The following ORC3 variants were observed in gnomAD, a reference collection of about 807,000 sequenced individuals.
ORC3 encodes the protein origin recognition complex subunit 3, also known as homolog of latheo, Drosophila.
ORC3 carries 78 observed loss-of-function variants against 100.7 expected under a neutral mutation model. That is an observed-to-expected ratio of 0.77 (90% CI 0.65 to 0.94). The LOEUF (loss-of-function observed/expected upper bound fraction) is 0.94, where lower values mean the gene tolerates loss of function less well. ORC3 is among the 40% of genes least tolerant of loss of function. The pLI, the probability that ORC3 is intolerant of heterozygous loss-of-function variation, is 0.00. For synonymous variants in ORC3, 295 were observed against 289.3 expected (o/e 1.02, Z -0.20); for missense variants, 789 against 823.9 (o/e 0.96, Z 0.52).
chr6:87,667,322 AAAT>A lies in ORC3; in HGVS notation c.*206_*208del, dbSNP rs1770717091. On this transcript the variant is annotated 3_prime_UTR_variant, in exon 20 of 20. Coordinates refer to ENST00000392844, the MANE Select transcript of ORC3 (RefSeq NM_012381.4). ...CCTGTGGAGTACTTTAGACTCCAAC[AAAT>A]AATAATGTAACTAAAACTGCTCACA... The A allele has an allele frequency of 6.8e-6, 3 of 440,760 alleles. No individual in the cohort carries two copies. The highest frequency in any genetic ancestry group is 5.8e-5 in the South Asian group (1 of 17,166). The allele number at this position is 440,760 out of a possible 1,614,324, so 27.3% of individuals were successfully genotyped here.
At position 87,621,408 on chromosome 6, in the gene ORC3, C is replaced by G. The variant is rs866479145; in HGVS notation, c.1042C>G (p.Leu348Val). The G allele has an allele frequency of 6.2e-7, 1 of 1,601,890 alleles. No homozygotes were observed. The highest frequency in any genetic ancestry group is 1.7e-5 in the Admixed American group (1 of 57,710). ...GCCCTTAAGTGTCCTGTGCTGTAATCTTCCAGAAGCCAAAAGAAGAATAAA... is the reference window on the plus strand; with the variant it reads ...GCCCTTAAGTGTCCTGTGCTGTAATGTTCCAGAAGCCAAAAGAAGAATAAA... ...SQPLSVLCCNLPEAKRRINFL... is the reference protein window; with the variant it reads ...SQPLSVLCCNVPEAKRRINFL... The change falls in exon 10 of 20, where the codon CTT becomes GTT. Residue 348 changes from leucine (L) to valine (V), a missense_variant. Leu to Val is a conservative substitution (Grantham distance 32). Coordinates refer to ENST00000392844, the MANE Select transcript of ORC3 (RefSeq NM_012381.4).
intron 11 of ORC3, among the ~76,000 whole-genome samples, chr6:87,625,126 T>C (rs1289654264): frequency 2.0e-5 from 3 of 152,244 alleles, no homozygotes; most frequent in African/African-American, 7.2e-5. Context: ...TCCAAGTCTT[T>C]GCTATTGTGA....
At chr6:87,651,095 T>G (rs886736007) in intron 13 of ORC3, 13 of 449,112 alleles carry the variant, frequency 2.9e-5, no homozygotes, top group African/African-American at 2.2e-4. Flanking sequence ...AAGTGACACA[T>G]TAAGAGTTAT....
chr6:87,675,947 C>T, the ORC3 span: 2 of 1,599,638 alleles, frequency 1.3e-6, no homozygotes, highest in African/African-American at 1.3e-5. Flanking sequence ...AATAAAGGTA[C>T]TTGTCAATTA....
chr6:87,640,582 A>G (rs1327923178), intron 13 of ORC3, among the ~76,000 whole-genome samples: 2 of 152,204 alleles, frequency 1.3e-5, no homozygotes, highest in African/African-American at 4.8e-5. Flanking sequence ...TTAAAAAGCC[A>G]TTTGGGAACA....
At chr6:87,636,521 C>G in intron 13 of ORC3, 35 bp downstream of exon 13, 1 of 1,392,890 alleles carries the variant, frequency 7.2e-7, no homozygotes, top group Non-Finnish European at 1.0e-6. Flanking sequence ...CTATTTTTGT[C>G]TGCTATAAGC....
downstream of ORC3, among the ~76,000 whole-genome samples, chr6:87,668,054 A>G (rs1770753706): frequency 6.6e-6 from 1 of 152,220 alleles, no homozygotes; most frequent in African/African-American, 2.4e-5. Context: ...CAGATGAGCA[A>G]AGTAAGGCCC....
At chr6:87,605,194 G>C (rs981509132) in intron 4 of ORC3, among the ~76,000 whole-genome samples, 2 of 152,262 alleles carry the variant, frequency 1.3e-5, no homozygotes, top group East Asian at 3.9e-4. Flanking sequence ...TATAGAGACA[G>C]GTTCTCACCA....
intron 2 of ORC3, among the ~76,000 whole-genome samples, chr6:87,596,103 G>A (rs1777415005): frequency 6.6e-6 from 1 of 151,786 alleles, no homozygotes; most frequent in Non-Finnish European, 1.5e-5. Context: ...AGACCTCAAA[G>A]TGCTGGGATT....
chr6:87,597,355 G>A (rs1582996095), intron 2 of ORC3, among the ~76,000 whole-genome samples: 1 of 152,216 alleles, frequency 6.6e-6, no homozygotes, highest in East Asian at 1.9e-4. Context: ...TTCAGATTCT[G>A]GAGGATTTCA....
chr6:87,627,539 G>T (rs895907714), intron 11 of ORC3, among the ~76,000 whole-genome samples: 1 of 148,330 alleles, frequency 6.7e-6, no homozygotes, highest in Non-Finnish European at 1.5e-5. Context: ...CAAGTGATCC[G>T]CCCGCCTAGG....
chr6:87,617,207 A>G (rs549733029), intron 9 of ORC3, among the ~76,000 whole-genome samples: 126 of 150,564 alleles, frequency 8.4e-4, no homozygotes, highest in African/African-American at 2.9e-3. Context: ...TGGACCATGC[A>G]TGTGTGTGTG....
intron 10 of ORC3, 90 bp downstream of exon 10, chr6:87,621,577 A>G: frequency 1.1e-6 from 1 of 895,154 alleles, no homozygotes. Flanking sequence ...TGAAGTAGGG[A>G]AAGAAATAGT....
At chr6:87,670,728 A>G (rs544728368), downstream of ORC3, among the ~76,000 whole-genome samples, 52 of 152,360 alleles carry the variant, frequency 3.4e-4, no homozygotes, top group African/African-American at 1.2e-3. Context: ...ACATTCAAAA[A>G]GTACCAAGCA....
At chr6:87,672,561 T>C in the ORC3 span, among the ~76,000 whole-genome samples, 4 of 152,200 alleles carry the variant, frequency 2.6e-5, no homozygotes, top group African/African-American at 9.7e-5. Context: ...TACCAATTAC[T>C]GTAAGAGTTT....
chr6:87,638,997 C>T (rs1054004831), intron 13 of ORC3, among the ~76,000 whole-genome samples: 4 of 151,648 alleles, frequency 2.6e-5, no homozygotes, highest in Admixed American at 2.6e-4. Context: ...TTCAGTGTAC[C>T]TTGTTTCATG....
At chr6:87,671,665 A>G (rs1770835750), downstream of ORC3, among the ~76,000 whole-genome samples, 1 of 152,186 alleles carries the variant, frequency 6.6e-6, no homozygotes, top group African/African-American at 2.4e-5. Context: ...CAGCCAGTAA[A>G]GGAGAAACGT....
intron 4 of ORC3, among the ~76,000 whole-genome samples, chr6:87,603,889 C>CT (rs1778152090): frequency 1.3e-5 from 2 of 152,020 alleles, no homozygotes; most frequent in African/African-American, 4.8e-5. Context: ...GGTTTTCATA[C>CT]TTTTTTTAGT....
intron 11 of ORC3, among the ~76,000 whole-genome samples, chr6:87,628,111 C>G (rs1187117614): frequency 6.6e-6 from 1 of 152,160 alleles, no homozygotes; most frequent in African/African-American, 2.4e-5. Flanking sequence ...CTGACTAAAA[C>G]TAACACAGGA....
Sources: gnomAD v4.1 joint callset for allele counts (sites outside exome capture counted in the v4.1 genomes callset) on GRCh38, gnomAD v4.1.1 for gene constraint, MANE v1.5 for transcripts, NCBI Gene and HGNC (gene_info 2026-07-23, HGNC 2026-07-21) for gene names.